Variants in KDM2A observed in about 807,000 individuals in gnomAD.
KDM2A encodes the protein lysine demethylase 2A, also known as lysine-specific demethylase 2A.
KDM2A carries 3 observed loss-of-function variants against 137.3 expected under a neutral mutation model. The ratio of observed to expected loss-of-function variants is 0.02; its 90% CI spans 0.01 to 0.06. The LOEUF (loss-of-function observed/expected upper bound fraction) is 0.06. Among genes scored for constraint, KDM2A ranks in the 10% least tolerant of loss-of-function variants. KDM2A has a pLI of 1.00. For synonymous variants in KDM2A, 512 were observed against 541.5 expected, an observed-to-expected ratio of 0.95 and a Z score of 0.76; for missense variants, 738 against 1,510.6, an observed-to-expected ratio of 0.49 and a Z score of 8.48.
intron 12 of KDM2A, among the ~76,000 whole-genome samples, chr11:67,238,797 A>T (rs967162401): frequency 6.6e-6 from 1 of 152,380 alleles, no homozygotes; most frequent in South Asian, 2.1e-4. Context: ...TAAAAGTCAC[A>T]TAAAAATCAC....
At chr11:67,137,951 C>T (rs931774683) in intron 2 of KDM2A, among the ~76,000 whole-genome samples, 4 of 152,140 alleles carry the variant, frequency 2.6e-5, no homozygotes, top group Non-Finnish European at 5.9e-5. Flanking sequence ...GCATGTACCA[C>T]CATGCCCGGC....
intron 13 of KDM2A, among the ~76,000 whole-genome samples, chr11:67,244,436 A>T (rs939801598): frequency 6.6e-6 from 1 of 152,286 alleles, no homozygotes; most frequent in Middle Eastern, 3.4e-3. Flanking sequence ...TTAGGAGTAT[A>T]ATCTGAGAAG....
At chr11:67,141,680 A>AT (rs1163024987) in intron 2 of KDM2A, among the ~76,000 whole-genome samples, 15 of 76,656 alleles carry the variant, frequency 2.0e-4, no homozygotes, top group African/African-American at 8.1e-4. Flanking sequence ...AAAAAAAAAA[A>AT]AAATATATAT....
intron 6 of KDM2A, among the ~76,000 whole-genome samples, chr11:67,212,536 G>T (rs140509398): frequency 5.6e-4 from 86 of 152,328 alleles, no homozygotes; most frequent in Non-Finnish European, 1.0e-3. Context: ...CTAGGTTCAT[G>T]ATATTGGACT....
intron 10 of KDM2A, among the ~76,000 whole-genome samples, chr11:67,220,595 GAT>G (rs1858315369): frequency 6.6e-6 from 1 of 152,050 alleles, no homozygotes. Flanking sequence ...TCTCTAGGAT[GAT>G]ACACAGCTAA....
chr11:67,143,797 T>C (rs1856178514), intron 2 of KDM2A, among the ~76,000 whole-genome samples: 1 of 151,416 alleles, frequency 6.6e-6, no homozygotes, highest in Non-Finnish European at 1.5e-5. Flanking sequence ...CATGCCCAAC[T>C]AATTTCTGTA....
chr11:67,173,079 C>G (rs146485612), intron 2 of KDM2A, among the ~76,000 whole-genome samples: 1 of 152,062 alleles, frequency 6.6e-6, no homozygotes, highest in African/African-American at 2.4e-5. Context: ...CAGCTTGGAC[C>G]TCTCCAGGCT....
At chr11:67,127,867 C>T (rs1390210602) in intron 2 of KDM2A, among the ~76,000 whole-genome samples, 3 of 151,968 alleles carry the variant, frequency 2.0e-5, no homozygotes, top group African/African-American at 4.8e-5. Context: ...CCACCATGCC[C>T]GGCTAATTTT....
At chr11:67,243,169 A>G in intron 13 of KDM2A, 77 bp downstream of exon 13, 3 of 1,036,010 alleles carry the variant, frequency 2.9e-6, no homozygotes, top group Non-Finnish European at 3.0e-6. Flanking sequence ...GGGGAAAACA[A>G]GAACAACTAG....
intron 12 of KDM2A, among the ~76,000 whole-genome samples, chr11:67,234,419 G>GA (rs1428091662): frequency 3.3e-5 from 5 of 152,194 alleles, no homozygotes; most frequent in Non-Finnish European, 7.3e-5. Flanking sequence ...GAGATGAGGG[G>GA]AAAAGTGGTA....
intron 1 of KDM2A, 67 bp from the exon 2 acceptor site, chr11:67,121,167 T>C (rs2136273906): frequency 1.5e-6 from 1 of 660,026 alleles, no homozygotes; most frequent in East Asian, 2.7e-5. Flanking sequence ...TAAATACTCC[T>C]TTCCGTGAAC....
At chr11:67,179,140 C>T (rs1001453227) in intron 2 of KDM2A, among the ~76,000 whole-genome samples, 3 of 152,070 alleles carry the variant, frequency 2.0e-5, no homozygotes, top group African/African-American at 7.2e-5. Flanking sequence ...TTGCATTTTT[C>T]TAATGACTAA....
At chr11:67,247,060 T>A (rs1326908665) in intron 15 of KDM2A, among the ~76,000 whole-genome samples, 1 of 32,946 alleles carries the variant, frequency 3.0e-5, no homozygotes, top group Non-Finnish European at 6.3e-5. Context: ...TATATATATA[T>A]ATATATATAT....
chr11:67,254,523 C>A lies in KDM2A; in HGVS notation c.3307+105C>A. 2 of 933,494 alleles carry A rather than the reference C, an allele frequency of 2.1e-6. No individual in the cohort carries two copies. Among genetic ancestry groups the A allele is most frequent in the Non-Finnish European group, 3.4e-6 (2 of 584,268 alleles). The allele number at this position is 933,494 out of a possible 1,614,324, so 57.8% of individuals were successfully genotyped here. A position where few individuals can be genotyped will look rare whatever the true frequency, so the allele number is the denominator to read the frequency against. Reference sequence around the variant, plus strand: ...GACCTTGGGTCTGTTGATTGACCCACATCAGCTCATTTCTTCACATCTGGA... The same window carrying A: ...GACCTTGGGTCTGTTGATTGACCCAAATCAGCTCATTTCTTCACATCTGGA... On this transcript the variant is annotated intron_variant, in intron 20 of 20. Coordinates refer to ENST00000529006, the MANE Select transcript of KDM2A (RefSeq NM_012308.3). The surrounding 1 kb of genome is among the most constrained non-coding windows in gnomAD (Gnocchi z 4.7).
At chr11:67,201,978 AAG>A (rs1181602687) in intron 5 of KDM2A, among the ~76,000 whole-genome samples, 1 of 151,814 alleles carries the variant, frequency 6.6e-6, no homozygotes, top group Non-Finnish European at 1.5e-5. Context: ...TAAAATGAAA[AAG>A]AGCATTTGTG....
intron 2 of KDM2A, among the ~76,000 whole-genome samples, chr11:67,130,280 G>A (rs1316653492): frequency 6.6e-6 from 1 of 151,940 alleles, no homozygotes; most frequent in Non-Finnish European, 1.5e-5. Flanking sequence ...CCTCACAGGT[G>A]CACCTGACTG....
At chr11:67,240,921 A>G (rs183059627) in intron 12 of KDM2A, among the ~76,000 whole-genome samples, 9 of 151,744 alleles carry the variant, frequency 5.9e-5, no homozygotes, top group African/African-American at 1.9e-4. Context: ...AACAGCTGCC[A>G]CCCCCCACAC....
intron 13 of KDM2A, 47 bp downstream of exon 13, chr11:67,243,139 T>A: frequency 7.4e-7 from 1 of 1,354,640 alleles, no homozygotes; most frequent in Non-Finnish European, 1.1e-6. Flanking sequence ...AGCCTTTTGT[T>A]AGTTGATCAT....
chr11:67,204,961 A>G (rs1471559164), intron 5 of KDM2A, among the ~76,000 whole-genome samples: 5 of 152,152 alleles, frequency 3.3e-5, no homozygotes, highest in Non-Finnish European at 7.3e-5. Flanking sequence ...GCTGCAGTGA[A>G]TATTTATGTA....
Sources: gnomAD v4.1 joint callset for allele counts (sites outside exome capture counted in the v4.1 genomes callset) on GRCh38, gnomAD v4.1.1 for gene constraint, Gnocchi (gnomAD v3.1) non-coding constraint, MANE v1.5 for transcripts, NCBI Gene and HGNC (gene_info 2026-07-23, HGNC 2026-07-21) for gene names.